Variants in SMURF2 observed in about 807,000 individuals in gnomAD.
SMURF2 encodes the protein SMAD specific E3 ubiquitin protein ligase 2, also known as E3 ubiquitin-protein ligase SMURF2.
A neutral mutation model predicts 109.6 loss-of-function variants in SMURF2; 48 were observed. The ratio of observed to expected loss-of-function variants is 0.44; its 90% CI spans 0.35 to 0.56. The LOEUF (loss-of-function observed/expected upper bound fraction) is 0.56, where lower values mean the gene tolerates loss of function less well. Ranked by LOEUF, SMURF2 falls within the 20% of genes least tolerant of loss-of-function variation. The probability of loss-of-function intolerance (pLI) is 0.01; values close to 1 mark genes in which losing one functional copy is unlikely to be tolerated. For missense variants in SMURF2, 575 were observed against 909.0 expected (o/e 0.63, Z 4.72); for synonymous variants, 288 against 317.1 (o/e 0.91, Z 0.97).
In SMURF2 at chr17:64,543,219, CAT is replaced by C. The variant is rs1568166902; in HGVS notation, c.*2627_*2628del. On this transcript the variant is annotated 3_prime_UTR_variant, in exon 19 of 19. Transcript: ENST00000262435. ...GTAACTTTGAAATGGAAATCTAAAT[CAT>C]GTTTTTATATATGTTGGTGATAACA... The C allele has an allele frequency of 6.6e-6, 1 of 151,332 alleles. No homozygotes were observed. The highest frequency in any genetic ancestry group is 1.5e-5 in the Non-Finnish European group (1 of 67,934). The allele number at this position is 151,332 out of a possible 1,614,324, so 9.4% of individuals were successfully genotyped here.
chr17:64,652,795 C>A (rs1970657119), intron 1 of SMURF2, among the ~76,000 whole-genome samples: 1 of 151,956 alleles, frequency 6.6e-6, no homozygotes, highest in South Asian at 2.1e-4. Context: ...GATTTTCTAC[C>A]AAGGTGCCAA....
At chr17:64,598,838 T>C (rs1969853853) in intron 2 of SMURF2, among the ~76,000 whole-genome samples, 1 of 151,986 alleles carries the variant, frequency 6.6e-6, no homozygotes, top group Non-Finnish European at 1.5e-5. Context: ...ATTCATGGCT[T>C]TTTCTTTCCA....
chr17:64,645,921 C>T (rs1426174494), intron 1 of SMURF2, among the ~76,000 whole-genome samples: 1 of 152,100 alleles, frequency 6.6e-6, no homozygotes, highest in Non-Finnish European at 1.5e-5. Flanking sequence ...GCTAAGAAAA[C>T]CTATTCACAT....
intron 3 of SMURF2, chr17:64,594,062 A>C (rs1969783792): frequency 6.5e-6 from 1 of 153,174 alleles, no homozygotes; most frequent in Non-Finnish European, 1.5e-5. Flanking sequence ...TCCTGTATGC[A>C]GGCCTTGAGC....
chr17:64,651,951 T>C (rs1568211459), intron 1 of SMURF2, among the ~76,000 whole-genome samples: 1 of 152,148 alleles, frequency 6.6e-6, no homozygotes, highest in Non-Finnish European at 1.5e-5. Flanking sequence ...TAAATACTCA[T>C]AATCCAACCC....
At chr17:64,582,916 G>C (rs139051034) in intron 7 of SMURF2, among the ~76,000 whole-genome samples, 1 of 134,780 alleles carries the variant, frequency 7.4e-6, no homozygotes, top group Non-Finnish European at 1.5e-5. Flanking sequence ...TTTTTTTTTT[G>C]GGGACAGAGT....
chr17:64,655,126 C>A (rs971960025), intron 1 of SMURF2, among the ~76,000 whole-genome samples: 5 of 151,626 alleles, frequency 3.3e-5, no homozygotes, highest in African/African-American at 1.2e-4. Flanking sequence ...CTATCCTGAA[C>A]AATATGGGCC....
intron 2 of SMURF2, among the ~76,000 whole-genome samples, chr17:64,605,852 T>A (rs1262531601): frequency 1.3e-5 from 2 of 148,166 alleles, no homozygotes; most frequent in East Asian, 3.9e-4. Context: ...GCCCGTGACT[T>A]GAATTTAAAA....
At chr17:64,634,103 G>A (rs562578582) in intron 1 of SMURF2, among the ~76,000 whole-genome samples, 12 of 151,988 alleles carry the variant, frequency 7.9e-5, no homozygotes, top group Middle Eastern at 3.4e-3. Context: ...GCAGTGAGCC[G>A]AGATCCCACC....
At chr17:64,617,518 T>C (rs1294596700) in intron 1 of SMURF2, among the ~76,000 whole-genome samples, 1 of 152,152 alleles carries the variant, frequency 6.6e-6, no homozygotes, top group African/African-American at 2.4e-5. Flanking sequence ...TCTCACTCTG[T>C]CACTTAGGCT....
intron 1 of SMURF2, among the ~76,000 whole-genome samples, chr17:64,630,779 C>T (rs1220791818): frequency 6.6e-6 from 1 of 152,140 alleles, no homozygotes; most frequent in Admixed American, 6.5e-5. Context: ...TTGAAGGCTC[C>T]AGCTAAGGGC....
At chr17:64,635,312 G>A (rs1970401698) in intron 1 of SMURF2, among the ~76,000 whole-genome samples, 1 of 152,162 alleles carries the variant, frequency 6.6e-6, no homozygotes, top group African/African-American at 2.4e-5. Context: ...GGGCGACAGA[G>A]CGAGACTAGG....
chr17:64,615,879 G>T (rs1479124338), intron 1 of SMURF2, among the ~76,000 whole-genome samples: 1 of 152,100 alleles, frequency 6.6e-6, no homozygotes, highest in Non-Finnish European at 1.5e-5. Flanking sequence ...GCCCAGGCTG[G>T]AGTGCAATGG....
At chr17:64,657,339 T>C (rs994205106) in intron 1 of SMURF2, among the ~76,000 whole-genome samples, 2 of 152,104 alleles carry the variant, frequency 1.3e-5, no homozygotes, top group Non-Finnish European at 2.9e-5. Context: ...TAAGTTCTAC[T>C]AAGTATGGTC....
chr17:64,555,360 T>TA (rs1301366449), intron 14 of SMURF2, among the ~76,000 whole-genome samples: 1 of 152,192 alleles, frequency 6.6e-6, no homozygotes, highest in Non-Finnish European at 1.5e-5. Flanking sequence ...GTATACTTTA[T>TA]AAAAAATAAA....
At chr17:64,571,066 G>A (rs782333651) in intron 10 of SMURF2, among the ~76,000 whole-genome samples, 7 of 152,100 alleles carry the variant, frequency 4.6e-5, no homozygotes, top group Admixed American at 1.3e-4. Flanking sequence ...TACAGCATGA[G>A]CCACATGCCT....
chr17:64,600,804 C>G (rs782224285), intron 2 of SMURF2, among the ~76,000 whole-genome samples: 41 of 152,068 alleles, frequency 2.7e-4, no homozygotes, highest in Admixed American at 1.3e-3. Flanking sequence ...TATTTTCACT[C>G]TACTATTTAA....
chr17:64,563,612 AACTCAAAATG>A, intron 10 of SMURF2, among the ~76,000 whole-genome samples: 1 of 152,226 alleles, frequency 6.6e-6, no homozygotes, highest in Non-Finnish European at 1.5e-5. Context: ...TACAAAAAGT[AACTCAAAATG>A]GACTGCAAAC....
At chr17:64,638,134 C>T (rs544015049) in intron 1 of SMURF2, among the ~76,000 whole-genome samples, 6 of 140,888 alleles carry the variant, frequency 4.3e-5, no homozygotes, top group Admixed American at 7.6e-5. Context: ...ACGATCTTGG[C>T]GGCTCACTGC....
Sources: gnomAD v4.1 joint callset for allele counts (sites outside exome capture counted in the v4.1 genomes callset) on GRCh38, gnomAD v4.1.1 for gene constraint, MANE v1.5 for transcripts, NCBI Gene and HGNC (gene_info 2026-07-23, HGNC 2026-07-21) for gene names.